SYNE1: variants seen among roughly 807,000 people sequenced by gnomAD.
The protein encoded by SYNE1 is nesprin-1.
A neutral mutation model predicts 1,111.0 loss-of-function variants in SYNE1; 616 were observed. That is an observed-to-expected ratio of 0.55 (90% CI 0.52 to 0.59). SYNE1 has a LOEUF of 0.59. Among genes scored for constraint, SYNE1 ranks in the 20% least tolerant of loss-of-function variants. SYNE1 has a pLI of 0.00. For missense variants in SYNE1, 10,006 were observed against 10,417.0 expected (o/e 0.96, Z 1.72); for synonymous variants, 3,855 against 3,825.8 (o/e 1.01, Z -0.28).
Position 152,427,592 on chromosome 6 carries a change from C to T in SYNE1, c.5100+101G>A, listed in dbSNP as rs755499042. The T allele has an allele frequency of 2.1e-6, 3 of 1,431,618 alleles. No homozygotes were observed. The Admixed American group carries it at 5.3e-5, about 25-fold the overall frequency. The allele number at this position is 1,431,618 out of a possible 1,614,324, so 88.7% of individuals were successfully genotyped here. ...TGCTTCAGGAATCACAAAACCAAAG[C>T]AAGAAGGGAGGTACAAGTTTATTTA... is the stretch of plus-strand genomic sequence containing the variant. On this transcript the variant is annotated intron_variant, in intron 38 of 145. Coordinates refer to ENST00000367255, the MANE Select transcript of SYNE1 (RefSeq NM_182961.4).
At chr6:152,409,036 A>T (rs1592094614) in intron 44 of SYNE1, 32 bp downstream of exon 44, 2 of 1,608,134 alleles carry the variant, frequency 1.2e-6, no homozygotes, top group East Asian at 4.5e-5. Context: ...GAATATTTAA[A>T]TAGTTCACAG....
At chr6:152,542,398 AT>A (rs1381423409) in intron 3 of SYNE1, among the ~76,000 whole-genome samples, 4 of 152,214 alleles carry the variant, frequency 2.6e-5, no homozygotes, top group Admixed American at 2.0e-4. Flanking sequence ...TAAAAAACAA[AT>A]TGGTATAAAA....
chr6:152,306,419 G>GA (rs1046762397), intron 91 of SYNE1, among the ~76,000 whole-genome samples: 1 of 151,904 alleles, frequency 6.6e-6, no homozygotes, highest in African/African-American at 2.4e-5. Flanking sequence ...CCAGGAGGTG[G>GA]AAGTTGCAGT....
At chr6:152,510,944 T>C (rs995114586) in intron 7 of SYNE1, 67 bp downstream of exon 7, 1 of 1,409,560 alleles carries the variant, frequency 7.1e-7, no homozygotes, top group East Asian at 2.3e-5. Context: ...AGAGCATTAT[T>C]AAAATGGCCA....
Position 152,247,829 on chromosome 6 carries a change from G to A in SYNE1, c.19572+1332C>T, listed in dbSNP as rs144438161. Among the ~76,000 whole-genome samples the A allele has an allele frequency of 2.7e-4, 34 of 124,286 alleles. 1 individual carries two copies. The East Asian group carries it at 5.7e-3, about 21-fold the overall frequency. 81.5% of individuals were successfully genotyped at this position (124,286 alleles called of 152,430 possible). ...AAGAAAAATGCACACTCACAGTTTT[G>A]CAAACTATTTTGAGAGGTGTTCTTT... is the stretch of plus-strand genomic sequence containing the variant. On this transcript the variant is annotated intron_variant, in intron 105 of 145. Coordinates refer to ENST00000367255, the MANE Select transcript of SYNE1 (RefSeq NM_182961.4).
intron 143 of SYNE1, among the ~76,000 whole-genome samples, chr6:152,132,643 C>A (rs1195675147): frequency 6.6e-6 from 1 of 152,124 alleles, no homozygotes; most frequent in African/African-American, 2.4e-5. Flanking sequence ...CATTAGAGGA[C>A]TTTACTATTT....
chr6:152,485,268 T>C (rs1328055531), intron 12 of SYNE1, among the ~76,000 whole-genome samples: 1 of 152,180 alleles, frequency 6.6e-6, no homozygotes, highest in African/African-American at 2.4e-5. Context: ...GTAGTAGAGG[T>C]AGGACTAAAG....
chr6:152,208,227 T>C, intron 124 of SYNE1, 21 bp from the exon 125 acceptor site: 1 of 1,608,320 alleles, frequency 6.2e-7, no homozygotes, highest in Non-Finnish European at 8.5e-7. Context: ...AATAATTACA[T>C]GGTAAAAAAG....
intron 105 of SYNE1, among the ~76,000 whole-genome samples, chr6:152,247,875 C>CACAT (rs1350205043): frequency 6.6e-6 from 1 of 151,370 alleles, no homozygotes; most frequent in African/African-American, 2.4e-5. Context: ...CACACACACA[C>CACAT]ACACACACAC....
chr6:152,451,143 C>A lies in SYNE1; in HGVS notation c.3090G>T (p.Arg1030Ser), dbSNP rs925892033. 2.5e-6 allele frequency: 4 copies of A among 1,613,962 alleles called. No homozygotes were observed. Among genetic ancestry groups the A allele is most frequent in the Non-Finnish European group, 3.4e-6 (4 of 1,180,010 alleles). Residue 1030 changes from arginine to serine, a missense_variant, in exon 26 of 146, where the codon AGG becomes AGT. Around this residue, in one of 7 missense-constraint regions of SYNE1, gnomAD observed 1,971 missense variants for 2,084.1 expected, o/e 0.95. Transcript: ENST00000367255. ...TGCATTCTTCTACAGAGGCTAAGAA[C>A]CTATTCTTCTCCACATCAATCTTCA... ...LHLKIDVEKN[R>S]FLASVEECRT... is the part of the protein sequence containing the mutation.
At chr6:152,297,916 T>C (rs1275984589) in intron 93 of SYNE1, among the ~76,000 whole-genome samples, 1 of 152,156 alleles carries the variant, frequency 6.6e-6, no homozygotes, top group Non-Finnish European at 1.5e-5. Context: ...AGATGAATAA[T>C]TTCTATTTAT....
intron 121 of SYNE1, among the ~76,000 whole-genome samples, chr6:152,217,994 G>A (rs942209360): frequency 3.3e-5 from 5 of 151,986 alleles, no homozygotes; most frequent in Middle Eastern, 3.2e-3. Flanking sequence ...GCCTGACCTC[G>A]GGTGATCAGT....
At chr6:152,434,631 G>A (rs1294803422) in intron 33 of SYNE1, 1 of 152,002 alleles carries the variant, frequency 6.6e-6, no homozygotes, top group Non-Finnish European at 1.5e-5. Flanking sequence ...AACAAATCTA[G>A]TGAACAGAAT....
Position 152,483,032 on chromosome 6 carries a change from C to G in SYNE1, c.1350+53G>C, listed in dbSNP as rs1456275447. ...AGCAGGTTGTAACTAGGCTACCTCT[C>G]CAGACCACAGTAGGGCTGTTATGCT... On this transcript the variant is annotated intron_variant, in intron 14 of 145. Transcript: ENST00000367255. 6.2e-6 allele frequency: 10 copies of G among 1,610,030 alleles called. No homozygotes were observed. In the Admixed American group the frequency reaches 1.7e-4, roughly 27 times the overall value.
chr6:152,445,265 T>C (rs894963224), intron 29 of SYNE1, among the ~76,000 whole-genome samples: 1 of 151,928 alleles, frequency 6.6e-6, no homozygotes, highest in Non-Finnish European at 1.5e-5. Context: ...ATTTGTAGAG[T>C]TGAAAAAGAG....
chr6:152,169,599 G>T, intron 130 of SYNE1, among the ~76,000 whole-genome samples: 1 of 114,250 alleles, frequency 8.8e-6, no homozygotes, highest in Non-Finnish European at 1.8e-5. Context: ...ACACCTGCCA[G>T]CCTGGGTTAC....
intron 145 of SYNE1, chr6:152,125,446 C>A: frequency 7.1e-7 from 1 of 1,414,124 alleles, no homozygotes; most frequent in Non-Finnish European, 9.4e-7. Context: ...TGACCATGGG[C>A]AAGTAAATTA....
chr6:152,412,045 A>G (rs1163978185), intron 42 of SYNE1, among the ~76,000 whole-genome samples: 1 of 152,228 alleles, frequency 6.6e-6, no homozygotes, highest in African/African-American at 2.4e-5. Context: ...TAATCATCCA[A>G]ACTGGAAAGA....
rs1200932334 is a variant in SYNE1 at position 152,168,221 on chromosome 6, A to C, written c.23628-3896T>G. ...CACCACCATGAAGCTTCCACTTGCA[A>C]AAGTTAGACTCTGCAGAGCAAAAAG... On this transcript the variant is annotated intron_variant, in intron 130 of 145. Transcript: ENST00000367255. 5 of 755,890 alleles carry C rather than the reference A, an allele frequency of 6.6e-6. No homozygotes were observed. In the East Asian group the frequency reaches 1.2e-4, roughly 18 times the overall value. 46.8% of individuals were successfully genotyped at this position (755,890 alleles called of 1,614,324 possible).
Sources: gnomAD v4.1 joint callset for allele counts (sites outside exome capture counted in the v4.1 genomes callset) on GRCh38, gnomAD v4.1.1 for gene constraint, gnomAD v4.1.1 regional missense constraint, MANE v1.5 for transcripts, NCBI Gene and HGNC (gene_info 2026-07-23, HGNC 2026-07-21) for gene names.